TAFA5: variants seen among roughly 807,000 people sequenced by gnomAD.
TAFA5 encodes the protein TAFA chemokine like family member 5, also known as chemokine-like protein TAFA-5.
A neutral mutation model predicts 15.3 loss-of-function variants in TAFA5; 6 were observed. The observed-to-expected ratio is 0.39, with a 90% confidence interval of 0.21 to 0.77. The LOEUF is 0.77. Among genes scored for constraint, TAFA5 ranks in the 30% least tolerant of loss-of-function variants. The pLI is 0.41. For synonymous variants in TAFA5, 103 were observed against 80.7 expected, an observed-to-expected ratio of 1.28 and a Z score of -1.48; for missense variants, 161 against 193.1, an observed-to-expected ratio of 0.83 and a Z score of 0.98.
chr22:48,665,666 A>G (rs926687003), intron 2 of TAFA5, among the ~76,000 whole-genome samples: 1 of 152,212 alleles, frequency 6.6e-6, no homozygotes, highest in African/African-American at 2.4e-5. Flanking sequence ...TAATGGTTTT[A>G]TGTAAAGTTC....
chr22:48,646,449 G>A, intron 1 of TAFA5, 148 bp from the exon 2 acceptor site: 2 of 1,020,290 alleles, frequency 2.0e-6, no homozygotes, highest in Non-Finnish European at 2.8e-6. Flanking sequence ...CCTTCGAGGT[G>A]CTTTCGGACG....
intron 1 of TAFA5, among the ~76,000 whole-genome samples, chr22:48,610,540 G>A (rs1004171816): frequency 6.6e-6 from 1 of 151,234 alleles, no homozygotes; most frequent in Non-Finnish European, 1.5e-5. Flanking sequence ...GAGGAGCAGA[G>A]GGGCAGGCTC....
intron 1 of TAFA5, among the ~76,000 whole-genome samples, chr22:48,521,342 A>G (rs1259469803): frequency 6.6e-6 from 1 of 152,184 alleles, no homozygotes; most frequent in Non-Finnish European, 1.5e-5. Flanking sequence ...ATCACGGCCC[A>G]GGGACCCCTG....
intron 2 of TAFA5, among the ~76,000 whole-genome samples, chr22:48,669,213 C>G (rs1448424678): frequency 6.6e-6 from 1 of 152,238 alleles, no homozygotes; most frequent in African/African-American, 2.4e-5. Context: ...GTGTCTAAGC[C>G]CCCCAGCGTG....
At chr22:48,616,288 C>T (rs78722665) in intron 1 of TAFA5, among the ~76,000 whole-genome samples, 10,876 of 152,188 alleles carry the variant, frequency 0.071, 454 homozygotes, top group East Asian at 0.15. Flanking sequence ...CCGCCGTAAC[C>T]CCGCCGTGCT....
At chr22:48,664,734 C>G (rs935990219) in intron 2 of TAFA5, among the ~76,000 whole-genome samples, 1 of 152,232 alleles carries the variant, frequency 6.6e-6, no homozygotes, top group East Asian at 1.9e-4. Context: ...TCCTTTCCCT[C>G]GTTACGTCTG....
intron 2 of TAFA5, among the ~76,000 whole-genome samples, chr22:48,654,492 C>T (rs1263598561): frequency 2.0e-5 from 3 of 152,240 alleles, no homozygotes; most frequent in Non-Finnish European, 4.4e-5. Context: ...CTCCACAAGG[C>T]CCCCACTCCG....
At position 48,530,973 on chromosome 22, in the gene TAFA5, A is replaced by T. The variant is rs1921951116; in HGVS notation, c.112+41269A>T. On this transcript the variant is annotated intron_variant, in intron 1 of 3. Transcript: ENST00000402357. The surrounding 1 kb of genome is among the most constrained non-coding windows in gnomAD (Gnocchi z 6.0). ...CAAAGTGGTGCCCCTGCCCGCCCCG[A>T]CCCCAGCCTTGTTAGGGGACTGGCC... 6.6e-6 allele frequency among the ~76,000 whole-genome samples: 1 copy of T among 151,808 alleles called. No individual in the cohort carries two copies. Among genetic ancestry groups the T allele is most frequent in the African/African-American group, 2.4e-5 (1 of 41,304 alleles).
intron 2 of TAFA5, among the ~76,000 whole-genome samples, chr22:48,670,722 G>T (rs1569072850): frequency 6.6e-6 from 1 of 152,256 alleles, no homozygotes; most frequent in Non-Finnish European, 1.5e-5. Context: ...GTAGGAAAAT[G>T]CTGGGTTGAG....
chr22:48,688,323 A>G (rs1928429271), intron 2 of TAFA5, among the ~76,000 whole-genome samples: 1 of 152,256 alleles, frequency 6.6e-6, no homozygotes, highest in Non-Finnish European at 1.5e-5. Flanking sequence ...CCACTAAATT[A>G]TGCTGTCTAG....
intron 1 of TAFA5, among the ~76,000 whole-genome samples, chr22:48,531,106 C>T (rs1475701137): frequency 4.0e-5 from 6 of 150,186 alleles, no homozygotes; most frequent in African/African-American, 7.3e-5. Flanking sequence ...CACTGCCTGC[C>T]GACGTGGCTG....
At chr22:48,624,401 A>G (rs1925954951) in intron 1 of TAFA5, among the ~76,000 whole-genome samples, 1 of 151,918 alleles carries the variant, frequency 6.6e-6, no homozygotes, top group Admixed American at 6.6e-5. Flanking sequence ...TGCAGCACTC[A>G]CTTATGGAGT....
intron 1 of TAFA5, among the ~76,000 whole-genome samples, chr22:48,494,486 G>A (rs1298841446): frequency 2.0e-5 from 3 of 152,226 alleles, no homozygotes; most frequent in African/African-American, 7.2e-5. Flanking sequence ...CCTGTAGATT[G>A]ATGACTGTTT....
chr22:48,525,372 C>T (rs1249888224), intron 1 of TAFA5, among the ~76,000 whole-genome samples: 1 of 152,204 alleles, frequency 6.6e-6, no homozygotes, highest in Non-Finnish European at 1.5e-5. Flanking sequence ...TGGTCCACAC[C>T]CCACCCTCAC....
rs1323628152 is a variant in TAFA5 at position 48,742,094 on chromosome 22, C to T, written c.391-7745C>T. Among the ~76,000 whole-genome samples the T allele has an allele frequency of 1.3e-5, 2 of 152,100 alleles. No individual in the cohort carries two copies. Among genetic ancestry groups the T allele is most frequent in the Admixed American group, 6.6e-5 (1 of 15,266 alleles). On this transcript the variant is annotated intron_variant, in intron 3 of 3. Transcript: ENST00000402357. This position sits in a 1 kb window ranked among gnomAD's most constrained non-coding sequence, Gnocchi z 6.2. ...CTCCAGCTGGGAGGCTGTGGGAGGT[C>T]GGGGCACCTGCCAGGCTCTGGAGGG...
At chr22:48,561,188 C>T (rs758742794) in intron 1 of TAFA5, among the ~76,000 whole-genome samples, 6 of 152,146 alleles carry the variant, frequency 3.9e-5, no homozygotes, top group Non-Finnish European at 5.9e-5. Flanking sequence ...TCCCACATCT[C>T]GGATCCACTC....
chr22:48,711,220 A>T (rs1345187510), intron 3 of TAFA5, among the ~76,000 whole-genome samples: 1 of 152,122 alleles, frequency 6.6e-6, no homozygotes, highest in East Asian at 1.9e-4. Flanking sequence ...TGATTCTTCT[A>T]GAGAGTGAGG....
chr22:48,505,206 G>A (rs1472414392), intron 1 of TAFA5, among the ~76,000 whole-genome samples: 3 of 152,178 alleles, frequency 2.0e-5, no homozygotes, highest in Non-Finnish European at 4.4e-5. Context: ...AAACTCTCAC[G>A]ACTCCATCTC....
At chr22:48,574,867 C>G (rs1023958110) in intron 1 of TAFA5, among the ~76,000 whole-genome samples, 1 of 152,214 alleles carries the variant, frequency 6.6e-6, no homozygotes, top group African/African-American at 2.4e-5. Flanking sequence ...AACAAAGACC[C>G]TTTCTTCCTA....
Sources: gnomAD v4.1 joint callset for allele counts (sites outside exome capture counted in the v4.1 genomes callset) on GRCh38, gnomAD v4.1.1 for gene constraint, Gnocchi (gnomAD v3.1) non-coding constraint, MANE v1.5 for transcripts, NCBI Gene and HGNC (gene_info 2026-07-23, HGNC 2026-07-21) for gene names.